The following CST8 variants were observed in gnomAD, a reference collection of about 807,000 sequenced individuals.
CST8 encodes cystatin-8.
A neutral mutation model predicts 11.8 loss-of-function variants in CST8; 20 were observed. That is an observed-to-expected ratio of 1.70 (90% confidence interval 1.20 to 2.47). CST8 has a LOEUF of 2.47. Among genes scored for constraint, CST8 ranks in the 30% most tolerant of loss-of-function variants. The pLI, the probability that CST8 is intolerant of heterozygous loss-of-function variation, is 0.00. For synonymous variants in CST8, 77 were observed against 63.1 expected (o/e 1.22, Z -1.05); for missense variants, 196 against 167.2 (o/e 1.17, Z -0.95).
chr20:23,499,009 A>G (rs1988124243), downstream of CST8, among the ~76,000 whole-genome samples: 2 of 152,176 alleles, frequency 1.3e-5, no homozygotes, highest in Admixed American at 6.5e-5. Context: ...TGTCTTAAGA[A>G]AGACAGCATT....
rs1987871771 is a variant in CST8, at chr20:23,491,301, T to C, written c.-185T>C. 1 of 261,718 alleles carries C rather than the reference T, an allele frequency of 3.8e-6. No homozygotes were observed. The highest frequency in any genetic ancestry group is 7.4e-6 in the Non-Finnish European group (1 of 135,386). The allele number at this position is 261,718 out of a possible 1,614,324, so 16.2% of individuals were successfully genotyped here. A position where few individuals can be genotyped will look rare whatever the true frequency, so the allele number is the denominator to read the frequency against. Reference sequence around the variant, plus strand: ...AGCCACAGTTTTCATGATCACATCATACAGGACTGAGAAGCAGATAACAAG... The same window carrying C: ...AGCCACAGTTTTCATGATCACATCACACAGGACTGAGAAGCAGATAACAAG... On this transcript the variant is annotated 5_prime_UTR_variant, in exon 1 of 4. Transcript: ENST00000246012.
At chr20:23,500,335 A>G (rs976258394), downstream of CST8, among the ~76,000 whole-genome samples, 1 of 152,164 alleles carries the variant, frequency 6.6e-6, no homozygotes, top group Non-Finnish European at 1.5e-5. Flanking sequence ...AGCAGCATAG[A>G]GCTCAGAGCC....
chr20:23,502,876 A>G, the CST8 span, among the ~76,000 whole-genome samples: 1 of 152,238 alleles, frequency 6.6e-6, no homozygotes, highest in African/African-American at 2.4e-5. Context: ...TCGACCCTAG[A>G]AAACAGTTAG....
Position 23,491,724 on chromosome 20 carries a change from G to A in CST8, c.57G>A (p.Val19=), listed in dbSNP as rs769439240. 16 of 1,613,864 alleles carry A rather than the reference G, an allele frequency of 9.9e-6. 1 individual carries two copies. In the Middle Eastern group the frequency reaches 1.3e-3, roughly 133 times the overall value. ...LILLTIPLAL[V]ARKDPKKNET... is the part of the protein sequence containing the mutation. ...TCCTCACCATTCCCCTGGCCCTGGT[G>A]GCCAGGAAAGACCCAAAAAAGAATG... Residue 19 remains valine, a synonymous_variant, in exon 2 of 4, where the codon GTG becomes GTA. Coordinates refer to ENST00000246012, the MANE Select transcript of CST8 (RefSeq NM_005492.4).
In CST8 at chr20:23,491,385, C is replaced by A; in HGVS notation, c.-144+43C>A. The A allele has an allele frequency of 1.2e-5, 6 of 482,284 alleles. No individual in the cohort carries two copies. The South Asian group carries it at 1.4e-4, about 11-fold the overall frequency. 29.9% of individuals were successfully genotyped at this position (482,284 alleles called of 1,614,324 possible). On this transcript the variant is annotated intron_variant, in intron 1 of 3. Coordinates refer to ENST00000246012, the MANE Select transcript of CST8 (RefSeq NM_005492.4). ...GGGGCCGAAGGGGAGAGGAACTCTC[C>A]CTAGACACACAGATTGCTCTCAGGG... is the stretch of plus-strand genomic sequence containing the variant.
Position 23,491,895 on chromosome 20 carries a change from T to C in CST8, c.228T>C (p.Leu76=). The C allele has an allele frequency of 6.2e-7, 1 of 1,613,026 alleles. No homozygotes were observed. Among genetic ancestry groups the C allele is most frequent in the East Asian group, 2.2e-5 (1 of 44,880 alleles). ...TGGTCAAGACACTGCAAGCCCAGCT[T>C]CAGGTAAAGGTGTCTTTCCATATAG... ...FLVVKTLQAQ[L]QVTNLLEYLI... Residue 76 remains leucine (L), a synonymous_variant, in exon 2 of 4, where the codon CTT becomes CTC. Coordinates refer to ENST00000246012, the MANE Select transcript of CST8 (RefSeq NM_005492.4).
At chr20:23,495,366 G>T (rs1324981732) in intron 3 of CST8, among the ~76,000 whole-genome samples, 1 of 152,050 alleles carries the variant, frequency 6.6e-6, no homozygotes, top group Non-Finnish European at 1.5e-5. Context: ...GTTCTTTGAG[G>T]AATCACCTCA....
At chr20:23,496,032 T>C, downstream of CST8, 2 of 797,720 alleles carry the variant, frequency 2.5e-6, no homozygotes, top group Non-Finnish European at 4.1e-6. Context: ...CTGCTTGGTG[T>C]TTTGTTTTTT....
chr20:23,506,851 G>A, the CST8 span, among the ~76,000 whole-genome samples: 7 of 151,402 alleles, frequency 4.6e-5, no homozygotes, highest in South Asian at 1.5e-3. Context: ...GGATTTAGGG[G>A]AACTGTCTCA....
At chr20:23,499,448 C>T (rs1484434709), downstream of CST8, among the ~76,000 whole-genome samples, 2 of 152,196 alleles carry the variant, frequency 1.3e-5, no homozygotes, top group Non-Finnish European at 2.9e-5. Flanking sequence ...TGGACTCACT[C>T]TACACCACCT....
chr20:23,499,705 G>A (rs1035817490), downstream of CST8, among the ~76,000 whole-genome samples: 12 of 152,214 alleles, frequency 7.9e-5, no homozygotes, highest in African/African-American at 2.9e-4. Context: ...TTGCAGGGAT[G>A]CATGGCCTGT....
downstream of CST8, among the ~76,000 whole-genome samples, chr20:23,499,978 AAG>A (rs1179433041): frequency 1.3e-5 from 2 of 151,706 alleles, no homozygotes; most frequent in African/African-American, 2.4e-5. Context: ...CAGTGTGAGA[AAG>A]AGAGAGAAAG....
chr20:23,492,355 T>TA (rs973784887), intron 2 of CST8, among the ~76,000 whole-genome samples: 4 of 152,190 alleles, frequency 2.6e-5, no homozygotes, highest in Non-Finnish European at 5.9e-5. Flanking sequence ...GTTCAACAAA[T>TA]ACTAATGTCC....
At chr20:23,495,199 T>C (rs989428306) in intron 3 of CST8, among the ~76,000 whole-genome samples, 14 of 152,192 alleles carry the variant, frequency 9.2e-5, no homozygotes, top group African/African-American at 3.4e-4. Flanking sequence ...ATTGTTTTTT[T>C]AATCTAGTCC....
intron 2 of CST8, 109 bp downstream of exon 2, chr20:23,492,007 T>C: frequency 3.7e-6 from 3 of 803,898 alleles, no homozygotes; most frequent in Non-Finnish European, 6.2e-6. Context: ...AAATCCTAAA[T>C]ATGTGAATGC....
downstream of CST8, among the ~76,000 whole-genome samples, chr20:23,500,006 G>C (rs952776874): frequency 6.6e-6 from 1 of 151,216 alleles, no homozygotes; most frequent in Non-Finnish European, 1.5e-5. Flanking sequence ...GGGTAGGAGG[G>C]AGAGAGAGAG....
chr20:23,497,175 G>C (rs184419150), downstream of CST8, among the ~76,000 whole-genome samples: 7 of 152,222 alleles, frequency 4.6e-5, no homozygotes, highest in African/African-American at 1.4e-4. Context: ...AGAGATTGCA[G>C]TAAAGACAGG....
chr20:23,505,628 C>T, the CST8 span, among the ~76,000 whole-genome samples: 1 of 152,206 alleles, frequency 6.6e-6, no homozygotes, highest in Non-Finnish European at 1.5e-5. Flanking sequence ...CACACATGGT[C>T]TGATTTGCCC....
chr20:23,494,607 G>A (rs372028600), intron 3 of CST8, among the ~76,000 whole-genome samples: 290 of 152,174 alleles, frequency 1.9e-3, no homozygotes, highest in African/African-American at 6.1e-3. Context: ...TGGCCCTTGC[G>A]GTTTGTCCAG....
Sources: allele counts gnomAD v4.1 joint callset (sites outside exome capture counted in the v4.1 genomes callset), GRCh38; gene constraint gnomAD v4.1.1; transcripts MANE v1.5; gene names NCBI Gene and HGNC (gene_info 2026-07-23, HGNC 2026-07-21).